FOXN3: variants seen among roughly 807,000 people sequenced by gnomAD.
FOXN3 encodes the protein forkhead box N3, also known as forkhead box protein N3.
Under a neutral mutation model 38.4 loss-of-function variants are expected in FOXN3, and 7 were observed. The ratio of observed to expected loss-of-function variants is 0.18; its 90% CI spans 0.10 to 0.34. FOXN3 has a LOEUF of 0.34. FOXN3 is among the 10% of genes least tolerant of loss of function. The probability of loss-of-function intolerance (pLI) is 1.00; values close to 1 mark genes in which losing one functional copy is unlikely to be tolerated. For missense variants in FOXN3, 456 were observed against 613.4 expected, an observed-to-expected ratio of 0.74 and a Z score of 2.71; for synonymous variants, 230 against 242.2, an observed-to-expected ratio of 0.95 and a Z score of 0.47.
At chr14:89,439,049 C>A (rs55757740) in intron 1 of FOXN3, among the ~76,000 whole-genome samples, 1 of 152,130 alleles carries the variant, frequency 6.6e-6, no homozygotes, top group East Asian at 1.9e-4. Context: ...TGAGCCACCA[C>A]GCCTGGCCTT....
At chr14:89,356,533 TGATGA>T (rs747708068) in intron 2 of FOXN3, 22 of 152,342 alleles carry the variant, frequency 1.4e-4, no homozygotes, top group Non-Finnish European at 3.1e-4. Context: ...CCTGTAAAGC[TGATGA>T]GATATTAAAA....
chr14:89,411,913 G>T, intron 2 of FOXN3, 21 bp downstream of exon 2: 6 of 1,332,904 alleles, frequency 4.5e-6, no homozygotes, highest in Non-Finnish European at 5.9e-6. Context: ...AAAACCTTGG[G>T]TTCCAGACAC....
intron 4 of FOXN3, among the ~76,000 whole-genome samples, chr14:89,240,735 G>A (rs976146806): frequency 6.6e-6 from 1 of 152,210 alleles, no homozygotes; most frequent in Non-Finnish European, 1.5e-5. Flanking sequence ...CTTGACAAGA[G>A]AATGCCGTAC....
intron 3 of FOXN3, 85 bp downstream of exon 3, chr14:89,350,587 G>A (rs1027965254): frequency 7.0e-6 from 8 of 1,149,212 alleles, no homozygotes; most frequent in Non-Finnish European, 9.4e-6. Context: ...AATCTCGTAC[G>A]GCCTATTAAA....
chr14:89,468,394 C>A (rs1042119048), intron 1 of FOXN3, among the ~76,000 whole-genome samples: 1 of 152,036 alleles, frequency 6.6e-6, no homozygotes, highest in Non-Finnish European at 1.5e-5. Context: ...GTGGAGGCTG[C>A]AGTGAGCCGA....
At chr14:89,219,064 T>C (rs1438620422) in intron 4 of FOXN3, among the ~76,000 whole-genome samples, 1 of 152,224 alleles carries the variant, frequency 6.6e-6, no homozygotes, top group Non-Finnish European at 1.5e-5. Context: ...CCTAAGAAAT[T>C]CCTGCTTAAT....
At chr14:89,525,062 G>A (rs1353332487) in intron 1 of FOXN3, among the ~76,000 whole-genome samples, 2 of 152,070 alleles carry the variant, frequency 1.3e-5, no homozygotes, top group African/African-American at 4.8e-5. Flanking sequence ...TCTTATAAAA[G>A]CGCGGGGCTG....
chr14:89,235,178 T>C (rs10132803), intron 4 of FOXN3, among the ~76,000 whole-genome samples: 3,461 of 152,228 alleles, frequency 0.023, 134 homozygotes, highest in African/African-American at 0.079. Context: ...AAGAACAGAA[T>C]GGAGAGTAAT....
chr14:89,410,261 G>A (rs1198110601), intron 2 of FOXN3, among the ~76,000 whole-genome samples: 2 of 152,128 alleles, frequency 1.3e-5, no homozygotes, highest in African/African-American at 4.8e-5. Flanking sequence ...TACTTGAAAT[G>A]GTGACATGTT....
At chr14:89,360,087 G>C (rs759492568) in intron 2 of FOXN3, among the ~76,000 whole-genome samples, 19 of 152,184 alleles carry the variant, frequency 1.2e-4, no homozygotes, top group Non-Finnish European at 2.5e-4. Context: ...AAACGGCCTA[G>C]GTTTATTTCA....
intron 1 of FOXN3, among the ~76,000 whole-genome samples, chr14:89,473,169 C>T (rs541813788): frequency 1.5e-3 from 227 of 151,980 alleles, no homozygotes; most frequent in African/African-American, 5.1e-3. Context: ...GGACTACAGG[C>T]GCCTCCCACC....
At chr14:89,215,798 G>A (rs1884261267) in intron 4 of FOXN3, among the ~76,000 whole-genome samples, 1 of 152,026 alleles carries the variant, frequency 6.6e-6, no homozygotes, top group Non-Finnish European at 1.5e-5. Flanking sequence ...TCCTGCGTCT[G>A]GCGGCGGCGG....
intron 3 of FOXN3, among the ~76,000 whole-genome samples, chr14:89,294,038 C>T (rs182210989): frequency 7.8e-4 from 119 of 152,260 alleles, no homozygotes; most frequent in Non-Finnish European, 1.4e-3. Context: ...GCTCTGACAC[C>T]TTCCTCAGCT....
chr14:89,333,961 G>GGC (rs1888345559), intron 3 of FOXN3, among the ~76,000 whole-genome samples: 1 of 59,450 alleles, frequency 1.7e-5, no homozygotes, highest in Non-Finnish European at 3.2e-5. Flanking sequence ...AAGAAAATGT[G>GGC]GTGTGTATAT....
At chr14:89,330,323 G>A (rs1386992055) in intron 3 of FOXN3, among the ~76,000 whole-genome samples, 4 of 152,210 alleles carry the variant, frequency 2.6e-5, no homozygotes, top group East Asian at 1.9e-4. Context: ...AAATTGCCCT[G>A]CACTGGGAGT....
Position 89,412,076 on chromosome 14 carries a change from C to T in FOXN3, c.401G>A (p.Arg134His), listed in dbSNP as rs1566645846. 5 of 1,613,112 alleles carry T rather than the reference C, an allele frequency of 3.1e-6. No homozygotes were observed. Among genetic ancestry groups the T allele is most frequent in the Non-Finnish European group, 3.4e-6 (4 of 1,179,694 alleles). ...FMAIEDSPTK[R>H]LPVKDIYNWI... is the part of the protein sequence containing the mutation. ...GTTGTAGATATCCTTCACTGGCAGG[C>T]GCTTGGTTGGAGAGTCCTCGATGGC... is the stretch of plus-strand genomic sequence containing the variant. Residue 134 changes from arginine (R) to histidine (H), a missense_variant, in exon 2 of 6, where the codon CGC becomes CAC. By Grantham distance (29) the Arg-to-His change is conservative. Transcript: ENST00000557258. The surrounding 1 kb of genome is among the most constrained non-coding windows in gnomAD (Gnocchi z 4.7).
chr14:89,616,869 T>A (rs902672433), intron 1 of FOXN3, among the ~76,000 whole-genome samples: 2 of 152,206 alleles, frequency 1.3e-5, no homozygotes, highest in Non-Finnish European at 2.9e-5. Context: ...AAAATACAGT[T>A]ATGAAATCTA....
chr14:89,459,841 TACAA>T (rs1892803249), intron 1 of FOXN3, among the ~76,000 whole-genome samples: 1 of 152,156 alleles, frequency 6.6e-6, no homozygotes, highest in Non-Finnish European at 1.5e-5. Context: ...GCAATATTCC[TACAA>T]TGGGTGCCCA....
chr14:89,339,748 C>A (rs1888562621), intron 3 of FOXN3, among the ~76,000 whole-genome samples: 1 of 152,232 alleles, frequency 6.6e-6, no homozygotes, highest in Non-Finnish European at 1.5e-5. Context: ...CTGAGGGTGA[C>A]AGAGCCGCTG....
Sources: gnomAD v4.1 joint callset for allele counts (sites outside exome capture counted in the v4.1 genomes callset) on GRCh38, gnomAD v4.1.1 for gene constraint, Gnocchi (gnomAD v3.1) non-coding constraint, MANE v1.5 for transcripts, NCBI Gene and HGNC (gene_info 2026-07-23, HGNC 2026-07-21) for gene names.